TENM3: variants seen among roughly 807,000 people sequenced by gnomAD.
TENM3 encodes the protein teneurin transmembrane protein 3, also known as teneurin-3.
A neutral mutation model predicts 255.1 loss-of-function variants in TENM3; 63 were observed. The observed-to-expected ratio is 0.25, with a 90% CI of 0.20 to 0.30. The LOEUF (loss-of-function observed/expected upper bound fraction) is 0.30. TENM3 is among the 10% of genes least tolerant of loss of function. TENM3 has a pLI of 1.00. For synonymous variants in TENM3, 1,306 were observed against 1,322.3 expected, an observed-to-expected ratio of 0.99 and a Z score of 0.27; for missense variants, 2,929 against 3,461.1, an observed-to-expected ratio of 0.85 and a Z score of 3.86.
chr4:181,831,275 T>C, the TENM3 span, among the ~76,000 whole-genome samples: 1 of 152,192 alleles, frequency 6.6e-6, no homozygotes, highest in African/African-American at 2.4e-5. Context: ...ATTTTGTTTT[T>C]GGTAATCTCT....
the TENM3 span, among the ~76,000 whole-genome samples, chr4:181,451,425 G>A: frequency 6.6e-6 from 1 of 152,156 alleles, no homozygotes; most frequent in Middle Eastern, 3.2e-3. Context: ...AACCATTAGA[G>A]GAATCTAGGT....
At chr4:182,280,301 A>C (rs996188091) in intron 1 of TENM3, among the ~76,000 whole-genome samples, 2 of 151,690 alleles carry the variant, frequency 1.3e-5, no homozygotes, top group Middle Eastern at 3.4e-3. Flanking sequence ...TTTTGATTGC[A>C]CTCTTTGAAA....
the TENM3 span, among the ~76,000 whole-genome samples, chr4:181,626,282 G>A: frequency 6.6e-6 from 1 of 152,162 alleles, no homozygotes; most frequent in East Asian, 1.9e-4. Flanking sequence ...GTGGCTGGAG[G>A]GCATGGTGCC....
chr4:182,134,871 G>A, the TENM3 span, among the ~76,000 whole-genome samples: 2 of 151,814 alleles, frequency 1.3e-5, no homozygotes, highest in Admixed American at 6.6e-5. Flanking sequence ...AATGCATCAC[G>A]CCACAGAGAA....
the TENM3 span, among the ~76,000 whole-genome samples, chr4:181,828,267 C>T: frequency 6.6e-6 from 1 of 152,208 alleles, no homozygotes; most frequent in African/African-American, 2.4e-5. Flanking sequence ...GCGGCACCAT[C>T]CTGGTGAATG....
chr4:182,202,852 G>A (rs1415785575), intron 1 of TENM3, among the ~76,000 whole-genome samples: 1 of 152,110 alleles, frequency 6.6e-6, no homozygotes, highest in Non-Finnish European at 1.5e-5. Context: ...AAGATCAAGA[G>A]GGCTTGAGGA....
At chr4:181,897,665 T>C in the TENM3 span, among the ~76,000 whole-genome samples, 2 of 152,190 alleles carry the variant, frequency 1.3e-5, no homozygotes, top group African/African-American at 4.8e-5. Flanking sequence ...TCACTGGAAA[T>C]ACTGAGCTTT....
At chr4:182,306,238 G>A (rs909856020) in intron 1 of TENM3, among the ~76,000 whole-genome samples, 11 of 151,138 alleles carry the variant, frequency 7.3e-5, no homozygotes, top group African/African-American at 1.5e-4. Context: ...CTGTCACCCA[G>A]GCTGGAGTAC....
the TENM3 span, among the ~76,000 whole-genome samples, chr4:181,589,858 AG>A: frequency 6.6e-6 from 1 of 152,212 alleles, no homozygotes; most frequent in African/African-American, 2.4e-5. Context: ...TGATGACAGA[AG>A]GGTTACTTTC....
the TENM3 span, among the ~76,000 whole-genome samples, chr4:182,059,710 A>T: frequency 1.6e-3 from 225 of 144,072 alleles, 2 homozygotes; most frequent in African/African-American, 5.4e-3. Context: ...GGAGTTCAAG[A>T]CCAGCCTAGG....
At chr4:182,296,108 C>A (rs1193736435) in intron 1 of TENM3, among the ~76,000 whole-genome samples, 1 of 152,092 alleles carries the variant, frequency 6.6e-6, no homozygotes, top group Non-Finnish European at 1.5e-5. Context: ...GGATTACAGG[C>A]ACGCACCACC....
chr4:182,653,262 T>G (rs1041621813), intron 5 of TENM3, among the ~76,000 whole-genome samples: 1 of 152,218 alleles, frequency 6.6e-6, no homozygotes, highest in African/African-American at 2.4e-5. Flanking sequence ...ATATTCAAAT[T>G]TGATTATATT....
chr4:182,765,718 C>T (rs1481955100), intron 22 of TENM3, among the ~76,000 whole-genome samples: 5 of 152,300 alleles, frequency 3.3e-5, no homozygotes, highest in African/African-American at 7.2e-5. Flanking sequence ...CTCCTAACTG[C>T]ATGACTGTGA....
the TENM3 span, among the ~76,000 whole-genome samples, chr4:181,737,506 T>C: frequency 1.3e-5 from 2 of 152,054 alleles, no homozygotes. Context: ...GAAGATGTCT[T>C]CAGATCACAA....
intron 5 of TENM3, among the ~76,000 whole-genome samples, chr4:182,634,469 T>C (rs927659860): frequency 3.9e-5 from 6 of 152,174 alleles, no homozygotes; most frequent in African/African-American, 1.4e-4. Context: ...TGGTAAACTT[T>C]CTTTCATTGG....
intron 1 of TENM3, among the ~76,000 whole-genome samples, chr4:182,185,235 A>G (rs551950749): frequency 6.6e-6 from 1 of 152,090 alleles, no homozygotes; most frequent in Non-Finnish European, 1.5e-5. Flanking sequence ...AATGTAACCT[A>G]TTTTCTCAGT....
At chr4:182,203,636 T>A (rs1352343307) in intron 1 of TENM3, among the ~76,000 whole-genome samples, 1 of 152,100 alleles carries the variant, frequency 6.6e-6, no homozygotes, top group Non-Finnish European at 1.5e-5. Context: ...TGGGCCTGTA[T>A]CCTCCCTCTT....
At chr4:181,661,197 G>A in the TENM3 span, among the ~76,000 whole-genome samples, 877 of 152,152 alleles carry the variant, frequency 5.8e-3, 7 homozygotes, top group Admixed American at 6.8e-3. Flanking sequence ...CTCTAATATC[G>A]ATGGGCACAA....
upstream of TENM3, among the ~76,000 whole-genome samples, chr4:182,240,949 T>C (rs1392543835): frequency 6.6e-6 from 1 of 152,214 alleles, no homozygotes. Context: ...CCCGCTCCAC[T>C]GACCTTCACT....
Sources: allele counts gnomAD v4.1 joint callset (sites outside exome capture counted in the v4.1 genomes callset), GRCh38; gene constraint gnomAD v4.1.1; transcripts MANE v1.5; gene names NCBI Gene and HGNC (gene_info 2026-07-23, HGNC 2026-07-21).